TSC22D1: variants seen among roughly 807,000 people sequenced by gnomAD.
TSC22D1 encodes TSC22 domain family member 1, also known as TSC22 domain family protein 1.
In TSC22D1, 9 loss-of-function variants were observed where a neutral mutation model predicts 74.2. The ratio of observed to expected loss-of-function variants is 0.12; its 90% confidence interval spans 0.07 to 0.21. The LOEUF is 0.21. Among genes scored for constraint, TSC22D1 ranks in the 10% least tolerant of loss-of-function variants. The pLI, the probability that TSC22D1 is intolerant of heterozygous loss-of-function variation, is 1.00. For missense variants in TSC22D1, 1,427 were observed against 1,304.7 expected (o/e 1.09, Z -1.44); for synonymous variants, 586 against 492.5 (o/e 1.19, Z -2.51).
intron 1 of TSC22D1, among the ~76,000 whole-genome samples, chr13:44,546,027 A>C (rs184452255): frequency 1.5e-3 from 224 of 152,216 alleles, no homozygotes; most frequent in Admixed American, 3.9e-3. Flanking sequence ...ATAAAAAAGA[A>C]AAGAAAGACC....
intron 1 of TSC22D1, among the ~76,000 whole-genome samples, chr13:44,562,054 T>C (rs1036687492): frequency 2.6e-5 from 4 of 152,100 alleles, no homozygotes; most frequent in African/African-American, 9.7e-5. Flanking sequence ...ATATATATAT[T>C]TTTGAGACAA....
Position 44,575,086 on chromosome 13 carries a change from C to G in TSC22D1, c.989G>C (p.Ser330Thr), listed in dbSNP as rs1388820187. The change falls in exon 1 of 3, where the codon AGC becomes ACC. Residue 330 changes from serine to threonine, a missense_variant. By Grantham distance (58) the Ser-to-Thr change is moderately conservative. This residue lies in a region of TSC22D1 where 1,343 missense variants were observed against 1,191.5 expected (regional missense o/e 1.13). Coordinates refer to ENST00000458659, the MANE Select transcript of TSC22D1 (RefSeq NM_183422.4). ...TATATTAACATTACCAAGCATGCTG[C>G]TTGTCACATTAGGATTAAAACTACC... The part of the protein sequence containing the change: ...AVGSFNPNVT[S>T]SMLGNVNIST... 5 of 1,614,172 alleles carry G rather than the reference C, an allele frequency of 3.1e-6. No homozygotes were observed. Among genetic ancestry groups the G allele is most frequent in the Non-Finnish European group, 3.4e-6 (4 of 1,180,032 alleles).
At chr13:44,507,018 C>A (rs971904705) in intron 1 of TSC22D1, among the ~76,000 whole-genome samples, 3 of 152,040 alleles carry the variant, frequency 2.0e-5, no homozygotes, top group Non-Finnish European at 4.4e-5. Context: ...AAAATTGGGA[C>A]AATCATCAAT....
chr13:44,563,740 ATGTCATTTTG>A (rs1883190203), intron 1 of TSC22D1, among the ~76,000 whole-genome samples: 1 of 152,184 alleles, frequency 6.6e-6, no homozygotes, highest in South Asian at 2.1e-4. Flanking sequence ...AACTTTGCTT[ATGTCATTTTG>A]AAAACCCAAG....
At chr13:44,513,076 T>A (rs1879815196) in intron 1 of TSC22D1, among the ~76,000 whole-genome samples, 1 of 152,230 alleles carries the variant, frequency 6.6e-6, no homozygotes, top group Non-Finnish European at 1.5e-5. Context: ...TTTTCAGAAA[T>A]CAGCTTAAAT....
chr13:44,483,022 T>C (rs1878252558), intron 1 of TSC22D1, among the ~76,000 whole-genome samples: 1 of 152,226 alleles, frequency 6.6e-6, no homozygotes, highest in South Asian at 2.1e-4. Flanking sequence ...CAGTACATTA[T>C]ATAAAGCTAT....
At chr13:44,562,194 A>G (rs531543091) in intron 1 of TSC22D1, among the ~76,000 whole-genome samples, 1 of 152,216 alleles carries the variant, frequency 6.6e-6, no homozygotes, top group East Asian at 1.9e-4. Context: ...CGTGCACGCC[A>G]CCATGCCCAG....
chr13:44,502,112 G>A (rs1038783940), intron 1 of TSC22D1, among the ~76,000 whole-genome samples: 1 of 152,092 alleles, frequency 6.6e-6, no homozygotes, highest in Non-Finnish European at 1.5e-5. Context: ...AAATTTTGAT[G>A]ATTCTGATAC....
chr13:44,434,726 G>T lies in TSC22D1; in HGVS notation c.3122C>A (p.Ala1041Asp). 1 of 1,613,462 alleles carries T rather than the reference G, an allele frequency of 6.2e-7. No individual in the cohort carries two copies. Among genetic ancestry groups the T allele is most frequent in the Non-Finnish European group, 8.5e-7 (1 of 1,179,946 alleles). ...AGGGGGGGAGCCAGTCTGCAGCTGG[G>T]CCTGAAACTGGGCAAGCTGCTCAGG... ...ASPEQLAQFQAQLQTGSPPAT... is the reference protein window; with the variant it reads ...ASPEQLAQFQDQLQTGSPPAT... The change falls in exon 3 of 3, where the codon GCC (alanine) becomes GAC (aspartate). Residue 1041 changes from alanine to aspartate, a missense_variant. Ala to Asp is a moderately radical substitution (Grantham distance 126, BLOSUM62 -2). Transcript: ENST00000458659.
At position 44,433,877 on chromosome 13, in the gene TSC22D1, C is replaced by A; in HGVS notation, c.*749G>T. On this transcript the variant is annotated 3_prime_UTR_variant, in exon 3 of 3. Coordinates refer to ENST00000458659, the MANE Select transcript of TSC22D1 (RefSeq NM_183422.4). ...GTAGATCTATATATAAAAGTCCACA[C>A]CTCCTCAGACAGCCAATGAAACAAC... 1 of 1,119,316 alleles carries A rather than the reference C, an allele frequency of 8.9e-7. No individual in the cohort carries two copies. The highest frequency in any genetic ancestry group is 1.2e-6 in the Non-Finnish European group (1 of 818,502). The allele number at this position is 1,119,316 out of a possible 1,614,324, so 69.3% of individuals were successfully genotyped here. A position where few individuals can be genotyped will look rare whatever the true frequency, so the allele number is the denominator to read the frequency against.
intron 1 of TSC22D1, among the ~76,000 whole-genome samples, chr13:44,553,116 C>T (rs751207672): frequency 2.0e-5 from 3 of 152,170 alleles, no homozygotes; most frequent in South Asian, 2.1e-4. Flanking sequence ...ACATGACCAA[C>T]GACATTTCTC....
At chr13:44,566,140 T>C (rs1883357579) in intron 1 of TSC22D1, among the ~76,000 whole-genome samples, 1 of 152,132 alleles carries the variant, frequency 6.6e-6, no homozygotes, top group South Asian at 2.1e-4. Flanking sequence ...CACAAAGCAA[T>C]GAAGCCTGCC....
intron 1 of TSC22D1, among the ~76,000 whole-genome samples, chr13:44,551,389 G>GGTGGGTGGGTGTGTGTGT (rs1298469090): frequency 8.0e-6 from 1 of 125,252 alleles, no homozygotes; most frequent in African/African-American, 3.1e-5. Flanking sequence ...CAATCAGATG[G>GGTGGGTGGGTGTGTGTGT]GTGTGTGTGT....
At chr13:44,547,255 A>C (rs1313839613) in intron 1 of TSC22D1, among the ~76,000 whole-genome samples, 1 of 152,154 alleles carries the variant, frequency 6.6e-6, no homozygotes, top group Non-Finnish European at 1.5e-5. Flanking sequence ...TTTAAAAGCT[A>C]ATCCTAATGG....
intron 1 of TSC22D1, among the ~76,000 whole-genome samples, chr13:44,541,218 T>C (rs1881449482): frequency 6.6e-6 from 1 of 152,204 alleles, no homozygotes; most frequent in South Asian, 2.1e-4. Flanking sequence ...CACTTCCTCC[T>C]GGCTCTGCCA....
intron 1 of TSC22D1, among the ~76,000 whole-genome samples, chr13:44,478,845 G>T (rs1176847722): frequency 6.6e-6 from 1 of 151,950 alleles, no homozygotes; most frequent in African/African-American, 2.4e-5. Context: ...CAAAAGAAAC[G>T]AGATTAATGA....
Position 44,551,389 on chromosome 13 carries a change from GGTGTGTGTGTGTGTGTGT to G in TSC22D1, c.2912+21756_2912+21773del, listed in dbSNP as rs376368576. ...AAAAACCCAAAACCCCAATCAGATGGGTGTGTGTGTGTGTGTGTGTGTGTGTGTGTGTGTGTGTGTGTG... is the reference window on the plus strand; with the variant it reads ...AAAAACCCAAAACCCCAATCAGATGGGTGTGTGTGTGTGTGTGTGTGTGTG... On this transcript the variant is annotated intron_variant, in intron 1 of 2. Transcript: ENST00000458659. Among the ~76,000 whole-genome samples, 8 of 125,306 alleles carry G rather than the reference GGTGTGTGTGTGTGTGTGT, an allele frequency of 6.4e-5. 1 individual carries two copies. The East Asian group carries it at 1.4e-3, about 23-fold the overall frequency. The allele number at this position is 125,306 out of a possible 152,430, so 82.2% of individuals were successfully genotyped here.
chr13:44,464,694 A>T (rs1877171783), intron 1 of TSC22D1, among the ~76,000 whole-genome samples: 1 of 152,260 alleles, frequency 6.6e-6, no homozygotes, highest in African/African-American at 2.4e-5. Flanking sequence ...AAGAGCTCTC[A>T]GCTCTGCTGT....
intron 1 of TSC22D1, among the ~76,000 whole-genome samples, chr13:44,455,281 A>C (rs1876487954): frequency 6.6e-6 from 1 of 152,216 alleles, no homozygotes; most frequent in East Asian, 1.9e-4. Context: ...AGCAGGGAGA[A>C]CAGCAAGGGG....
Sources: allele counts gnomAD v4.1 joint callset (sites outside exome capture counted in the v4.1 genomes callset), GRCh38; gene constraint gnomAD v4.1.1; regional missense constraint gnomAD v4.1.1; transcripts MANE v1.5; gene names NCBI Gene and HGNC (gene_info 2026-07-23, HGNC 2026-07-21).